The following TRHDE variants were observed in gnomAD, a reference collection of about 807,000 sequenced individuals.
TRHDE encodes thyrotropin-releasing hormone-degrading ectoenzyme.
Under a neutral mutation model 125.7 loss-of-function variants are expected in TRHDE, and 72 were observed. The ratio of observed to expected loss-of-function variants is 0.57; its 90% CI spans 0.47 to 0.70. The LOEUF is 0.70. Among genes scored for constraint, TRHDE ranks in the 30% least tolerant of loss-of-function variants. The pLI is 0.00. For missense variants in TRHDE, 1,110 were observed against 1,327.1 expected, an observed-to-expected ratio of 0.84 and a Z score of 2.54; for synonymous variants, 509 against 509.1, an observed-to-expected ratio of 1.00 and a Z score of 0.00.
chr12:72,210,467 G>A (rs989836675), intron 2 of TRHDE, among the ~76,000 whole-genome samples: 1 of 152,110 alleles, frequency 6.6e-6, no homozygotes. Context: ...AGGACAGAAA[G>A]ATCAGGATAA....
intron 12 of TRHDE, among the ~76,000 whole-genome samples, chr12:72,577,276 T>A (rs1871039707): frequency 6.6e-6 from 1 of 152,164 alleles, no homozygotes; most frequent in African/African-American, 2.4e-5. Flanking sequence ...AGGAGCCAAA[T>A]GCTTTTCTAT....
chr12:72,494,784 AT>A (rs1387336043), intron 5 of TRHDE, among the ~76,000 whole-genome samples: 3 of 152,098 alleles, frequency 2.0e-5, no homozygotes, highest in African/African-American at 7.2e-5. Flanking sequence ...GAATACCAAT[AT>A]ATGAAATGCT....
At chr12:72,647,276 G>C (rs1248041069) in intron 15 of TRHDE, among the ~76,000 whole-genome samples, 3 of 151,930 alleles carry the variant, frequency 2.0e-5, no homozygotes, top group Non-Finnish European at 2.9e-5. Flanking sequence ...AGACAAAAAT[G>C]AAAGCACAAT....
At chr12:72,152,599 A>G (rs1036585053) in intron 2 of TRHDE, among the ~76,000 whole-genome samples, 6 of 152,216 alleles carry the variant, frequency 3.9e-5, no homozygotes, top group African/African-American at 7.2e-5. Flanking sequence ...GAGAGTTTTT[A>G]GCATGAAGGT....
intron 2 of TRHDE, among the ~76,000 whole-genome samples, chr12:72,237,023 T>G (rs1189356830): frequency 6.6e-6 from 1 of 152,178 alleles, no homozygotes; most frequent in Admixed American, 6.5e-5. Context: ...CTCTTTTAAG[T>G]AAAATTGTTG....
chr12:72,657,052 A>T, intron 18 of TRHDE, 44 bp downstream of exon 18: 3 of 1,240,652 alleles, frequency 2.4e-6, no homozygotes, highest in Non-Finnish European at 3.5e-6. Flanking sequence ...TTTTATAAAC[A>T]TTTGAAATTA....
At chr12:72,469,686 A>T in intron 3 of TRHDE, 72 bp from the exon 4 acceptor site, 1 of 1,500,776 alleles carries the variant, frequency 6.7e-7, no homozygotes, top group Non-Finnish European at 9.1e-7. Flanking sequence ...ATTTCTGGAC[A>T]CTTTTTAGGA....
intron 5 of TRHDE, among the ~76,000 whole-genome samples, chr12:72,476,990 G>T (rs1340734566): frequency 1.3e-5 from 2 of 152,086 alleles, no homozygotes; most frequent in African/African-American, 4.8e-5. Flanking sequence ...TAGATATGGG[G>T]TTTTACAGGA....
intron 6 of TRHDE, among the ~76,000 whole-genome samples, chr12:72,520,339 C>G (rs1007556916): frequency 1.3e-5 from 2 of 152,202 alleles, no homozygotes; most frequent in Non-Finnish European, 2.9e-5. Flanking sequence ...GATATAATCT[C>G]GTGGTGCGCC....
chr12:72,583,879 C>T (rs1291599128), intron 12 of TRHDE, among the ~76,000 whole-genome samples: 2 of 151,482 alleles, frequency 1.3e-5, no homozygotes, highest in African/African-American at 2.4e-5. Flanking sequence ...GTACAAATCT[C>T]CTGAGGCATT....
At chr12:72,231,092 A>T (rs1302363794) in intron 2 of TRHDE, among the ~76,000 whole-genome samples, 1 of 152,192 alleles carries the variant, frequency 6.6e-6, no homozygotes, top group Non-Finnish European at 1.5e-5. Context: ...TACTAGGCAG[A>T]AATTTAGCAG....
At chr12:72,095,729 A>G (rs1874899342) in intron 1 of TRHDE, among the ~76,000 whole-genome samples, 1 of 152,196 alleles carries the variant, frequency 6.6e-6, no homozygotes, top group African/African-American at 2.4e-5. Context: ...ACATGAAGAA[A>G]TTTGCTAAGA....
intron 1 of TRHDE, among the ~76,000 whole-genome samples, chr12:72,095,445 A>T (rs1438974240): frequency 6.6e-6 from 1 of 152,176 alleles, no homozygotes; most frequent in Non-Finnish European, 1.5e-5. Context: ...TGAGTGTTTG[A>T]GTTAGAAGGT....
intron 1 of TRHDE, among the ~76,000 whole-genome samples, chr12:72,097,622 T>C (rs1874962290): frequency 6.6e-6 from 1 of 151,998 alleles, no homozygotes; most frequent in Admixed American, 6.6e-5. Flanking sequence ...GCTAATGTTT[T>C]GATTTTTTTG....
intron 2 of TRHDE, among the ~76,000 whole-genome samples, chr12:72,168,780 G>A (rs1363695350): frequency 1.3e-5 from 2 of 151,994 alleles, no homozygotes; most frequent in Non-Finnish European, 2.9e-5. Flanking sequence ...GGTAAACAAT[G>A]TAGATTATTG....
intron 6 of TRHDE, among the ~76,000 whole-genome samples, chr12:72,512,110 G>A (rs1017225139): frequency 1.3e-5 from 2 of 151,940 alleles, no homozygotes; most frequent in African/African-American, 4.8e-5. Context: ...GCTTTCTTAC[G>A]CTGGCTTTGT....
At chr12:72,337,988 A>G (rs1010103171) in intron 2 of TRHDE, among the ~76,000 whole-genome samples, 2 of 130,510 alleles carry the variant, frequency 1.5e-5, no homozygotes, top group Non-Finnish European at 3.6e-5. Context: ...TTCAAGCAGA[A>G]CTCGGAAAAA....
At position 72,582,260 on chromosome 12, in the gene TRHDE, A is replaced by G. The variant is rs1871270583; in HGVS notation, c.2321+6718A>G. 5 of 983,734 alleles carry G rather than the reference A, an allele frequency of 5.1e-6. No individual in the cohort carries two copies. The South Asian group carries it at 1.9e-4, about 37-fold the overall frequency. 60.9% of individuals were successfully genotyped at this position (983,734 alleles called of 1,614,324 possible). On this transcript the variant is annotated intron_variant, in intron 12 of 18. Coordinates refer to ENST00000261180, the MANE Select transcript of TRHDE (RefSeq NM_013381.3). ...TTTGAGATATATTAGAAGCCTGGGA[A>G]TTCAGCATAATAGCCACTGAAAATA...
At chr12:72,466,368 C>A (rs567062559) in intron 3 of TRHDE, among the ~76,000 whole-genome samples, 2 of 152,284 alleles carry the variant, frequency 1.3e-5, no homozygotes, top group African/African-American at 4.8e-5. Flanking sequence ...TTCTGGAGGA[C>A]TACAGCTTAT....
Sources: allele counts gnomAD v4.1 joint callset (sites outside exome capture counted in the v4.1 genomes callset), GRCh38; gene constraint gnomAD v4.1.1; transcripts MANE v1.5; gene names NCBI Gene and HGNC (gene_info 2026-07-23, HGNC 2026-07-21).